The following TENM4 variants were observed in gnomAD, a reference collection of about 807,000 sequenced individuals.
TENM4 encodes the protein teneurin transmembrane protein 4.
In TENM4, 82 loss-of-function variants were observed where a neutral mutation model predicts 243.3. The observed-to-expected ratio is 0.34, with a 90% CI of 0.28 to 0.40. TENM4 has a LOEUF of 0.40. Ranked by LOEUF, TENM4 falls within the 10% of genes least tolerant of loss-of-function variation. The probability of loss-of-function intolerance (pLI) is 1.00; values close to 1 mark genes in which losing one functional copy is unlikely to be tolerated. For synonymous variants in TENM4, 1,412 were observed against 1,456.3 expected, an observed-to-expected ratio of 0.97 and a Z score of 0.69; for missense variants, 3,138 against 3,673.3, an observed-to-expected ratio of 0.85 and a Z score of 3.77.
chr11:79,140,664 G>A (rs1862269732), intron 4 of TENM4, among the ~76,000 whole-genome samples: 1 of 152,070 alleles, frequency 6.6e-6, no homozygotes, highest in South Asian at 2.1e-4. Context: ...CTGCTTAATG[G>A]ACTCACATTT....
intron 6 of TENM4, among the ~76,000 whole-genome samples, chr11:78,926,376 C>T (rs983517102): frequency 1.3e-5 from 2 of 150,288 alleles, no homozygotes; most frequent in Non-Finnish European, 2.9e-5. Flanking sequence ...CGGGTTCAAG[C>T]GATTCTCCTG....
At chr11:79,307,413 C>T (rs553602368) in intron 1 of TENM4, among the ~76,000 whole-genome samples, 2 of 152,298 alleles carry the variant, frequency 1.3e-5, no homozygotes, top group South Asian at 4.1e-4. Context: ...ACCGCTCTCT[C>T]CTGCACTGAA....
intron 3 of TENM4, among the ~76,000 whole-genome samples, chr11:79,170,540 T>C (rs1863018267): frequency 6.6e-6 from 1 of 152,196 alleles, no homozygotes; most frequent in African/African-American, 2.4e-5. Flanking sequence ...ATATGACTCG[T>C]GTTCTCCTAA....
intron 1 of TENM4, among the ~76,000 whole-genome samples, chr11:79,368,491 G>A (rs996909824): frequency 6.6e-6 from 1 of 152,228 alleles, no homozygotes; most frequent in African/African-American, 2.4e-5. Flanking sequence ...ATCAGTATGA[G>A]ATGGGACAGC....
In TENM4 at chr11:78,653,931, TG is replaced by T. The variant is rs1262872008; in HGVS notation, c.*4126del. 6.6e-6 allele frequency: 1 copy of T among 152,264 alleles called. No individual in the cohort carries two copies. Among genetic ancestry groups the T allele is most frequent in the Non-Finnish European group, 1.5e-5 (1 of 68,054 alleles). The allele number at this position is 152,264 out of a possible 1,614,324, so 9.4% of individuals were successfully genotyped here. On this transcript the variant is annotated 3_prime_UTR_variant, in exon 34 of 34. Transcript: ENST00000278550. ...GGATGGTTTTTGTGAATGTGAAGGT[TG>T]GAGAGGATAAGGTTTCTCTCTATCA...
intron 4 of TENM4, among the ~76,000 whole-genome samples, chr11:79,124,056 TACTATGTCA>T (rs1207941405): frequency 6.6e-6 from 1 of 152,236 alleles, no homozygotes; most frequent in Non-Finnish European, 1.5e-5. Flanking sequence ...CAATAATACC[TACTATGTCA>T]AATTCATATT....
At chr11:79,108,561 C>T (rs1177901807) in intron 4 of TENM4, among the ~76,000 whole-genome samples, 1 of 151,912 alleles carries the variant, frequency 6.6e-6, no homozygotes, top group African/African-American at 2.4e-5. Flanking sequence ...ATTCCATTAG[C>T]TCTATTATCC....
chr11:79,072,098 G>A (rs1215152026), intron 4 of TENM4, among the ~76,000 whole-genome samples: 1 of 152,196 alleles, frequency 6.6e-6, no homozygotes, highest in East Asian at 1.9e-4. Flanking sequence ...AGTCCTCTGA[G>A]TGTCTGAGAA....
At chr11:79,039,810 C>T (rs1002174595) in intron 6 of TENM4, among the ~76,000 whole-genome samples, 2 of 152,012 alleles carry the variant, frequency 1.3e-5, no homozygotes, top group Non-Finnish European at 2.9e-5. Context: ...TAAAATAAAT[C>T]AACAAACAAA....
chr11:79,290,936 G>T lies in TENM4; in HGVS notation c.-265+6552C>A, dbSNP rs141313787. On this transcript the variant is annotated intron_variant, in intron 2 of 33. Transcript: ENST00000278550. The stretch of plus-strand genomic sequence containing the variant: ...AGAGCTGTTTGTTTGTAAAGGCACA[G>T]CTGAGTGAATCTGGGAGCCAGGTCC... Among the ~76,000 whole-genome samples, 572 of 152,288 alleles carry T rather than the reference G, an allele frequency of 3.8e-3. 2 individuals are homozygous for T. Among genetic ancestry groups the T allele is most frequent in the African/African-American group, 0.013 (549 of 41,542 alleles).
intron 2 of TENM4, among the ~76,000 whole-genome samples, chr11:79,284,884 G>T (rs1856221335): frequency 6.6e-6 from 1 of 151,990 alleles, no homozygotes; most frequent in African/African-American, 2.4e-5. Context: ...ATAGGCAAAG[G>T]ACTTGAATAA....
chr11:79,079,620 G>A (rs1190530176), intron 4 of TENM4, among the ~76,000 whole-genome samples: 6 of 152,072 alleles, frequency 3.9e-5, no homozygotes, highest in South Asian at 2.1e-4. Context: ...ACTTGAGGCC[G>A]GGAGTTTGTG....
chr11:78,815,303 T>C lies in TENM4; in HGVS notation c.1682-908A>G, dbSNP rs116654127. Among the ~76,000 whole-genome samples, 957 of 152,042 alleles carry C rather than the reference T, an allele frequency of 6.3e-3. 10 individuals carry two copies. The highest frequency in any genetic ancestry group is 0.022 in the African/African-American group (893 of 41,434). Reference sequence around the variant, plus strand: ...CAGGAGGATGAGGTGGGAGACTCACTAGAACCTGGGAGGCGGAAGGTGCAG... The same window carrying C: ...CAGGAGGATGAGGTGGGAGACTCACCAGAACCTGGGAGGCGGAAGGTGCAG... On this transcript the variant is annotated intron_variant, in intron 12 of 33. Transcript: ENST00000278550.
chr11:79,034,451 C>T (rs769365655), intron 6 of TENM4, among the ~76,000 whole-genome samples: 2 of 152,182 alleles, frequency 1.3e-5, no homozygotes, highest in African/African-American at 4.8e-5. Flanking sequence ...CAGAGGCACA[C>T]GCTGGAGATC....
At chr11:78,812,429 G>C in intron 13 of TENM4, 113 bp from the exon 14 acceptor site, 1 of 1,213,696 alleles carries the variant, frequency 8.2e-7, no homozygotes, top group Non-Finnish European at 1.2e-6. Context: ...CAACTGCTCT[G>C]CCACAAACAC....
In TENM4 at chr11:78,657,958, T is replaced by C. The variant is rs762019271; in HGVS notation, c.*100A>G. On this transcript the variant is annotated 3_prime_UTR_variant, in exon 34 of 34. Transcript: ENST00000278550. ...AATGCAACCAGTATCTTTTTGTTTC[T>C]GCACTTGTTAAAAAATCATTTTTTT... 13 of 1,561,350 alleles carry C rather than the reference T, an allele frequency of 8.3e-6. No homozygotes were observed. Among genetic ancestry groups the C allele is most frequent in the Non-Finnish European group, 1.1e-5 (12 of 1,135,546 alleles).
chr11:78,839,452 G>T (rs1292453055), intron 12 of TENM4, among the ~76,000 whole-genome samples: 1 of 151,976 alleles, frequency 6.6e-6, no homozygotes, highest in Non-Finnish European at 1.5e-5. Flanking sequence ...GGTTGTTGCA[G>T]GTATATGGGA....
chr11:79,161,631 C>T (rs1862748092), intron 3 of TENM4, among the ~76,000 whole-genome samples: 1 of 152,180 alleles, frequency 6.6e-6, no homozygotes, highest in Admixed American at 6.6e-5. Context: ...AGTGGATTCT[C>T]TCAGAGCCTC....
At chr11:78,765,653 A>C (rs191594011) in intron 18 of TENM4, among the ~76,000 whole-genome samples, 1 of 152,228 alleles carries the variant, frequency 6.6e-6, no homozygotes. Context: ...CATAGGTTCC[A>C]ATCTAATCCT....
Sources: gnomAD v4.1 joint callset for allele counts (sites outside exome capture counted in the v4.1 genomes callset) on GRCh38, gnomAD v4.1.1 for gene constraint, MANE v1.5 for transcripts, NCBI Gene and HGNC (gene_info 2026-07-23, HGNC 2026-07-21) for gene names.